The following NCF2 variants were observed in gnomAD, a reference collection of about 807,000 sequenced individuals.
NCF2 encodes neutrophil cytosol factor 2.
NCF2 carries 45 observed loss-of-function variants against 70.9 expected under a neutral mutation model. The observed-to-expected ratio is 0.63, with a 90% CI of 0.50 to 0.81. NCF2 has a LOEUF of 0.81. NCF2 is among the 40% of genes least tolerant of loss of function. NCF2 has a pLI of 0.00. For missense variants in NCF2, 522 were observed against 631.6 expected (o/e 0.83, Z 1.86); for synonymous variants, 203 against 233.6 (o/e 0.87, Z 1.19).
At chr1:183,599,462 C>CTTTCTTTCTTTCTTTCTTTCTT in the NCF2 span, among the ~76,000 whole-genome samples, 3 of 137,522 alleles carry the variant, frequency 2.2e-5, no homozygotes, top group African/African-American at 8.6e-5. Flanking sequence ...TTCTTTCTTT[C>CTTTCTTTCTTTCTTTCTTTCTT]TTTCTTTCTT....
intron 7 of NCF2, among the ~76,000 whole-genome samples, chr1:183,568,368 C>T (rs913567654): frequency 1.3e-5 from 2 of 151,840 alleles, no homozygotes; most frequent in African/African-American, 4.8e-5. Flanking sequence ...GGTTTTGCCA[C>T]GTTGGCCCGG....
At chr1:183,557,199 G>A (rs971259717) in intron 14 of NCF2, among the ~76,000 whole-genome samples, 1 of 152,162 alleles carries the variant, frequency 6.6e-6, no homozygotes, top group East Asian at 1.9e-4. Flanking sequence ...GACAACTTAG[G>A]TATGATCTCC....
intron 6 of NCF2, among the ~76,000 whole-genome samples, chr1:183,569,623 C>G (rs773939641): frequency 1.2e-4 from 18 of 152,212 alleles, no homozygotes; most frequent in Non-Finnish European, 2.5e-4. Flanking sequence ...GAGTTTCACT[C>G]TGTCGCCCAG....
chr1:183,590,454 T>A lies in NCF2; in HGVS notation c.-125A>T. On this transcript the variant is annotated 5_prime_UTR_variant, in exon 1 of 15. Transcript: ENST00000367535. ...GTGTTCACTTTCTGGGCCAGATGAG[T>A]AGAATGGGGCCCAGCCTCCCTTAAG... 3.0e-6 allele frequency: 3 copies of A among 1,001,858 alleles called. No homozygotes were observed. The highest frequency in any genetic ancestry group is 3.1e-6 in the Non-Finnish European group (2 of 644,618). 62.1% of individuals were successfully genotyped at this position (1,001,858 alleles called of 1,614,324 possible). A position where few individuals can be genotyped will look rare whatever the true frequency, so the allele number is the denominator to read the frequency against.
chr1:183,581,817 G>A (rs1268355415), intron 2 of NCF2, among the ~76,000 whole-genome samples: 6 of 151,978 alleles, frequency 3.9e-5, no homozygotes, highest in South Asian at 4.1e-4. Flanking sequence ...ACAGGCGTCC[G>A]CCACCGCGCC....
At chr1:183,562,918 T>A (rs1429520289) in intron 13 of NCF2, among the ~76,000 whole-genome samples, 1 of 151,662 alleles carries the variant, frequency 6.6e-6, no homozygotes, top group Non-Finnish European at 1.5e-5. Context: ...ATGGATGGGA[T>A]GTTTGACACA....
intron 2 of NCF2, among the ~76,000 whole-genome samples, chr1:183,578,649 G>A (rs1229029258): frequency 1.3e-5 from 2 of 152,228 alleles, no homozygotes; most frequent in African/African-American, 4.8e-5. Context: ...TTACAGGCAT[G>A]AGCCACCATG....
chr1:183,573,270 A>C lies in NCF2; in HGVS notation c.524T>G (p.Val175Gly). The C allele has an allele frequency of 6.2e-7, 1 of 1,614,120 alleles. No homozygotes were observed. The highest frequency in any genetic ancestry group is 8.5e-7 in the Non-Finnish European group (1 of 1,179,974). The change falls in exon 5 of 15, where the codon GTG becomes GGG. Residue 175 changes from valine (V) to glycine (G), a missense_variant. By Grantham distance (109) the Val-to-Gly change is moderately radical. Coordinates refer to ENST00000367535, the MANE Select transcript of NCF2 (RefSeq NM_000433.4). Reference sequence around the variant, plus strand: ...AAACAGCTTGCCCACAGGGATCACCACTGGCTCATATAGCTTCTGCTTCTG... The same window carrying C: ...AAACAGCTTGCCCACAGGGATCACCCCTGGCTCATATAGCTTCTGCTTCTG... ...CVWKQKLYEP[V>G]VIPVGKLFRP...
chr1:183,596,340 T>G, the NCF2 span, among the ~76,000 whole-genome samples: 1 of 151,416 alleles, frequency 6.6e-6, no homozygotes, highest in African/African-American at 2.4e-5. Flanking sequence ...TTTTCATATT[T>G]GTACCCTTTA....
intron 2 of NCF2, among the ~76,000 whole-genome samples, chr1:183,584,316 C>T (rs1258951382): frequency 3.3e-5 from 5 of 152,230 alleles, no homozygotes; most frequent in Admixed American, 2.0e-4. Context: ...AAGAACAGAA[C>T]TTCAAAGGGA....
At chr1:183,574,088 T>TCAAAA (rs764216316) in intron 4 of NCF2, among the ~76,000 whole-genome samples, 7 of 152,212 alleles carry the variant, frequency 4.6e-5, no homozygotes, top group Non-Finnish European at 7.4e-5. Context: ...AGACTCCATC[T>TCAAAA]CAAAACAAAA....
At chr1:183,582,497 C>T (rs547183789) in intron 2 of NCF2, among the ~76,000 whole-genome samples, 2 of 152,368 alleles carry the variant, frequency 1.3e-5, no homozygotes, top group East Asian at 1.9e-4. Flanking sequence ...TGTAATACTC[C>T]TGGGAGGTTT....
At chr1:183,574,270 G>C (rs1013674051) in intron 4 of NCF2, among the ~76,000 whole-genome samples, 2 of 152,208 alleles carry the variant, frequency 1.3e-5, no homozygotes, top group African/African-American at 4.8e-5. Flanking sequence ...CCCACTCCAA[G>C]GGTGGTGTGA....
chr1:183,599,645 G>C, the NCF2 span, among the ~76,000 whole-genome samples: 6 of 151,306 alleles, frequency 4.0e-5, no homozygotes, highest in African/African-American at 1.5e-4. Flanking sequence ...TCCACCTCCC[G>C]GGTTCAAGCA....
At chr1:183,593,760 C>G (rs928120095), upstream of NCF2, among the ~76,000 whole-genome samples, 2 of 152,164 alleles carry the variant, frequency 1.3e-5, no homozygotes, top group African/African-American at 4.8e-5. Context: ...TTAATCATTA[C>G]TTGGTGCTGT....
In NCF2 at chr1:183,560,412, G is replaced by A. The variant is rs1407702904; in HGVS notation, c.1291-139C>T. The A allele has an allele frequency of 5.2e-6, 5 of 963,040 alleles. No individual in the cohort carries two copies. The Admixed American group carries it at 5.9e-5, about 11-fold the overall frequency. The allele number at this position is 963,040 out of a possible 1,614,324, so 59.7% of individuals were successfully genotyped here. On this transcript the variant is annotated intron_variant, in intron 13 of 14. Coordinates refer to ENST00000367535, the MANE Select transcript of NCF2 (RefSeq NM_000433.4). ...GTTTGTGATCAGTGCCTTGTGTAGA[G>A]CTTATATGCTCTTTATGAATACTGG...
At chr1:183,573,814 G>A (rs1161139102) in intron 4 of NCF2, among the ~76,000 whole-genome samples, 2 of 152,256 alleles carry the variant, frequency 1.3e-5, no homozygotes, top group Non-Finnish European at 2.9e-5. Flanking sequence ...TTTTAGGCAG[G>A]TGCGGTGGCT....
chr1:183,574,029 G>A (rs1161240537), intron 4 of NCF2, among the ~76,000 whole-genome samples: 1 of 152,256 alleles, frequency 6.6e-6, no homozygotes, highest in Non-Finnish European at 1.5e-5. Context: ...GGCAGAGGCT[G>A]CAGTGAGCTG....
chr1:183,569,633 G>T (rs1185020343), intron 6 of NCF2, among the ~76,000 whole-genome samples: 1 of 152,184 alleles, frequency 6.6e-6, no homozygotes, highest in Non-Finnish European at 1.5e-5. Context: ...CTGTCGCCCA[G>T]GCTGGAGTGC....
Sources: gnomAD v4.1 joint callset for allele counts (sites outside exome capture counted in the v4.1 genomes callset) on GRCh38, gnomAD v4.1.1 for gene constraint, MANE v1.5 for transcripts, NCBI Gene and HGNC (gene_info 2026-07-23, HGNC 2026-07-21) for gene names.